Variants in KLRG1 observed in about 807,000 individuals in gnomAD.
KLRG1 encodes killer cell lectin-like receptor subfamily G member 1.
In KLRG1, 16 loss-of-function variants were observed where a neutral mutation model predicts 21.8. The observed-to-expected ratio is 0.73, with a 90% confidence interval of 0.50 to 1.11. KLRG1 has a LOEUF of 1.11. KLRG1 is among the 50% of genes most tolerant of loss of function. The probability of loss-of-function intolerance (pLI) is 0.00; values close to 1 mark genes in which losing one functional copy is unlikely to be tolerated. For missense variants in KLRG1, 173 were observed against 218.3 expected (o/e 0.79, Z 1.31); for synonymous variants, 69 against 75.9 (o/e 0.91, Z 0.47).
the KLRG1 span, chr12:9,148,882 G>T: frequency 1.8e-6 from 2 of 1,121,508 alleles, no homozygotes; most frequent in Non-Finnish European, 2.6e-6. Flanking sequence ...AATATTTTTA[G>T]TGTCTATTTT....
At chr12:9,185,658 GAAA>G in the KLRG1 span, among the ~76,000 whole-genome samples, 106 of 149,904 alleles carry the variant, frequency 7.1e-4, 1 homozygote, top group South Asian at 0.017. Flanking sequence ...TGAAATGAAT[GAAA>G]AAAAAAAAAT....
chr12:9,072,850 C>T, the KLRG1 span: 1 of 1,613,940 alleles, frequency 6.2e-7, no homozygotes, highest in Non-Finnish European at 8.5e-7. Flanking sequence ...TTGGACAGAG[C>T]ATGGAGAGCC....
At chr12:8,955,509 C>A (rs966226026) in intron 1 of KLRG1, among the ~76,000 whole-genome samples, 4 of 124,592 alleles carry the variant, frequency 3.2e-5, no homozygotes, top group Admixed American at 8.2e-5. Context: ...TCCCAGCTAG[C>A]CTGTGGAGTA....
chr12:9,096,225 T>G, the KLRG1 span, among the ~76,000 whole-genome samples: 1 of 152,152 alleles, frequency 6.6e-6, no homozygotes, highest in African/African-American at 2.4e-5. Flanking sequence ...AACCAAACAC[T>G]CCATCTAAGT....
chr12:9,134,077 A>G, the KLRG1 span, among the ~76,000 whole-genome samples: 1 of 152,180 alleles, frequency 6.6e-6, no homozygotes, highest in Non-Finnish European at 1.5e-5. Context: ...CCTGCTCTCA[A>G]TATCAACCTT....
At chr12:9,086,759 T>C in the KLRG1 span, among the ~76,000 whole-genome samples, 2 of 152,184 alleles carry the variant, frequency 1.3e-5, no homozygotes, top group Non-Finnish European at 2.9e-5. Context: ...ACCATTTATT[T>C]TCAAAGTAGC....
chr12:9,160,603 T>C, the KLRG1 span: 1 of 953,830 alleles, frequency 1.0e-6, no homozygotes, highest in Non-Finnish European at 1.6e-6. Flanking sequence ...AGAGAAAAGT[T>C]ATATACACAG....
chr12:9,038,556 G>T, the KLRG1 span, among the ~76,000 whole-genome samples: 2 of 152,044 alleles, frequency 1.3e-5, no homozygotes, highest in African/African-American at 4.8e-5. Context: ...TGAGTAACAG[G>T]GGACTATTGC....
chr12:9,163,733 T>G, the KLRG1 span: 1 of 1,613,892 alleles, frequency 6.2e-7, no homozygotes, highest in Non-Finnish European at 8.5e-7. Context: ...ACAACCTCAT[T>G]TCCACAGAGT....
the KLRG1 span, chr12:9,196,769 G>A: frequency 8.1e-7 from 1 of 1,228,946 alleles, no homozygotes; most frequent in South Asian, 1.3e-5. Context: ...CTAATGACAA[G>A]AAAACTTTTT....
the KLRG1 span, among the ~76,000 whole-genome samples, chr12:9,022,326 T>C: frequency 6.6e-6 from 1 of 152,196 alleles, no homozygotes; most frequent in Non-Finnish European, 1.5e-5. Flanking sequence ...TACGACTTCA[T>C]GGAATCACGA....
intron 1 of KLRG1, among the ~76,000 whole-genome samples, chr12:8,974,328 C>G (rs182202868): frequency 6.6e-6 from 1 of 152,008 alleles, no homozygotes; most frequent in Non-Finnish European, 1.5e-5. Context: ...CCACCACACC[C>G]GGCTAATTTT....
chr12:9,078,858 T>G, the KLRG1 span, among the ~76,000 whole-genome samples: 1 of 152,324 alleles, frequency 6.6e-6, no homozygotes, highest in Non-Finnish European at 1.5e-5. Context: ...TATTAATGAA[T>G]TCATTCCAAG....
chr12:8,974,868 A>G (rs1946631376), intron 1 of KLRG1, among the ~76,000 whole-genome samples: 1 of 151,510 alleles, frequency 6.6e-6, no homozygotes, highest in East Asian at 1.9e-4. Context: ...CCTCATAATA[A>G]TTATGAGGAG....
the KLRG1 span, among the ~76,000 whole-genome samples, chr12:9,182,580 A>T: frequency 6.6e-6 from 1 of 152,242 alleles, no homozygotes. Flanking sequence ...TGAACTTCCT[A>T]AAAGAATATT....
the KLRG1 span, among the ~76,000 whole-genome samples, chr12:9,165,529 T>C: frequency 3.3e-5 from 5 of 152,320 alleles, no homozygotes; most frequent in Admixed American, 1.3e-4. Flanking sequence ...GGGATCTGAG[T>C]TGGGAAAATG....
chr12:9,178,018 A>G, the KLRG1 span, among the ~76,000 whole-genome samples: 2 of 152,212 alleles, frequency 1.3e-5, no homozygotes, highest in African/African-American at 2.4e-5. Flanking sequence ...ATACAGAAAT[A>G]TAGTCATTGT....
chr12:9,033,578 C>T, the KLRG1 span, among the ~76,000 whole-genome samples: 1 of 152,234 alleles, frequency 6.6e-6, no homozygotes, highest in Admixed American at 6.5e-5. Context: ...TGGCTCTATG[C>T]TTGCTCAGCT....
At chr12:9,008,235 G>A (rs1203810832) in intron 3 of KLRG1, among the ~76,000 whole-genome samples, 1 of 152,194 alleles carries the variant, frequency 6.6e-6, no homozygotes, top group East Asian at 1.9e-4. Context: ...TGGGAAAGAT[G>A]ACCACTTCTG....
Sources: gnomAD v4.1 joint callset for allele counts (sites outside exome capture counted in the v4.1 genomes callset) on GRCh38, gnomAD v4.1.1 for gene constraint, MANE v1.5 for transcripts, NCBI Gene and HGNC (gene_info 2026-07-23, HGNC 2026-07-21) for gene names.